The following PELP1 variants were observed in gnomAD, a reference collection of about 807,000 sequenced individuals.
PELP1 encodes the protein proline, glutamate and leucine rich protein 1, also known as proline-, glutamic acid- and leucine-rich protein 1.
Under a neutral mutation model 95.5 loss-of-function variants are expected in PELP1, and 32 were observed. That is an observed-to-expected ratio of 0.34 (90% CI 0.25 to 0.45). The LOEUF (loss-of-function observed/expected upper bound fraction) is 0.45, where lower values mean the gene tolerates loss of function less well. Ranked by LOEUF, PELP1 falls within the 20% of genes least tolerant of loss-of-function variation. The pLI is 1.00. For missense variants in PELP1, 1,358 were observed against 1,444.8 expected (o/e 0.94, Z 0.97); for synonymous variants, 668 against 600.1 (o/e 1.11, Z -1.65).
chr17:4,693,516 T>C (rs1913186688), intron 1 of PELP1, among the ~76,000 whole-genome samples: 1 of 152,186 alleles, frequency 6.6e-6, no homozygotes, highest in Non-Finnish European at 1.5e-5. Context: ...GCAACTATAA[T>C]AATATGCCAG....
rs376357271 is a variant in PELP1, at chr17:4,683,366, G to A, written c.421-414C>T. 4.6e-3 allele frequency among the ~76,000 whole-genome samples: 697 copies of A among 150,636 alleles called. 5 individuals carry two copies. Among genetic ancestry groups the A allele is most frequent in the Admixed American group, 9.2e-3 (139 of 15,058 alleles). On this transcript the variant is annotated intron_variant, in intron 3 of 16. Transcript: ENST00000572293. ...CTCCCGAGTAGCTGAGACTACAAGC[G>A]CCCGCCACCACGCCTGACTAATTTT...
intron 3 of PELP1, among the ~76,000 whole-genome samples, chr17:4,685,120 A>G (rs867397805): frequency 6.6e-6 from 1 of 151,982 alleles, no homozygotes; most frequent in Admixed American, 6.6e-5. Context: ...CCCTTCTCCC[A>G]TTCGCTTCTT....
chr17:4,678,548 G>GTGA (rs1290797901), intron 5 of PELP1, among the ~76,000 whole-genome samples: 14 of 152,218 alleles, frequency 9.2e-5, no homozygotes, highest in African/African-American at 2.9e-4. Context: ...GTACGGTGAA[G>GTGA]CGACACGGCT....
chr17:4,697,553 A>G (rs547759038), intron 1 of PELP1, among the ~76,000 whole-genome samples: 2 of 152,188 alleles, frequency 1.3e-5, no homozygotes, highest in Non-Finnish European at 2.9e-5. Flanking sequence ...CAGGGGAGAG[A>G]TATCCCAGAA....
rs1199646379 is a variant in PELP1, at chr17:4,676,120, G to A, written c.896C>T (p.Ser299Phe). The A allele has an allele frequency of 3.1e-6, 5 of 1,613,960 alleles. No individual in the cohort carries two copies. In the South Asian group the frequency reaches 4.4e-5, roughly 14 times the overall value. The change falls in exon 8 of 17, where the codon TCC (serine) becomes TTC (phenylalanine). Residue 299 changes from serine to phenylalanine, a missense_variant. Ser to Phe is a radical substitution (Grantham distance 155). Around this residue, in one of 7 missense-constraint regions of PELP1, gnomAD observed 538 missense variants for 628.1 expected, o/e 0.86. Coordinates refer to ENST00000572293, the MANE Select transcript of PELP1 (RefSeq NM_014389.3). ...GACATGGGCATCACCATCTTCTGAG[G>A]ACAGCAGCATCTCCACCCCAGGGCC... ...NEGPGVEMLL[S>F]SEDGDAHVLL...
intron 2 of PELP1, 184 bp downstream of exon 2, chr17:4,691,194 C>G: frequency 1.6e-6 from 1 of 641,920 alleles, no homozygotes; most frequent in Non-Finnish European, 2.8e-6. Flanking sequence ...AATAGGACAT[C>G]TGGGAGCTGG....
At chr17:4,699,146 G>A (rs749062808) in intron 1 of PELP1, among the ~76,000 whole-genome samples, 8 of 152,134 alleles carry the variant, frequency 5.3e-5, no homozygotes, top group African/African-American at 1.4e-4. Context: ...TTCGAGTGCC[G>A]AGGCGGGCGG....
At position 4,676,138 on chromosome 17, in the gene PELP1, C is replaced by G. The variant is rs765014669; in HGVS notation, c.878G>C (p.Gly293Ala). Residue 293 changes from glycine to alanine, a missense_variant, in exon 8 of 17, where the codon GGG becomes GCG. This residue lies in a region of PELP1 where 538 missense variants were observed against 628.1 expected (regional missense o/e 0.86). Coordinates refer to ENST00000572293, the MANE Select transcript of PELP1 (RefSeq NM_014389.3). Reference sequence around the variant, plus strand: ...TTCTGAGGACAGCAGCATCTCCACCCCAGGGCCTTCATTCTGCACAGGAGC... The same window carrying G: ...TTCTGAGGACAGCAGCATCTCCACCGCAGGGCCTTCATTCTGCACAGGAGC... ...ETAPVQNEGP[G>A]VEMLLSSEDG... is the part of the protein sequence containing the mutation. 6.2e-6 allele frequency: 10 copies of G among 1,613,944 alleles called. No individual in the cohort carries two copies. The highest frequency in any genetic ancestry group is 8.5e-6 in the Non-Finnish European group (10 of 1,179,866).
chr17:4,699,278 G>A (rs1446207552), intron 1 of PELP1, among the ~76,000 whole-genome samples: 1 of 152,038 alleles, frequency 6.6e-6, no homozygotes, highest in Non-Finnish European at 1.5e-5. Context: ...ACTTTGGGAG[G>A]CTGAGACAGG....
chr17:4,702,994 G>A (rs1208311345), intron 1 of PELP1, among the ~76,000 whole-genome samples: 2 of 152,192 alleles, frequency 1.3e-5, no homozygotes, highest in Non-Finnish European at 1.5e-5. Flanking sequence ...AAAATCAACA[G>A]GACTTGACAG....
At position 4,675,166 on chromosome 17, in the gene PELP1, A is replaced by T; in HGVS notation, c.1187T>A (p.Ile396Asn). Reference sequence around the variant, plus strand: ...CTGGGGAAGCAGGCGGCCGATCAGGATCCCAAAGCGCAAGAGCCGGCTTCC... The same window carrying T: ...CTGGGGAAGCAGGCGGCCGATCAGGTTCCCAAAGCGCAAGAGCCGGCTTCC... ...ACGSRLLRFG[I>N]LIGRLLPQVL... Residue 396 changes from isoleucine to asparagine, a missense_variant, in exon 11 of 17, where the codon ATC becomes AAC. By Grantham distance (149) the Ile-to-Asn change is moderately radical. Coordinates refer to ENST00000572293, the MANE Select transcript of PELP1 (RefSeq NM_014389.3). This position sits in a 1 kb window ranked among gnomAD's most constrained non-coding sequence, Gnocchi z 4.3. 9.9e-6 allele frequency: 16 copies of T among 1,613,840 alleles called. No homozygotes were observed. Among genetic ancestry groups the T allele is most frequent in the Non-Finnish European group, 1.3e-5 (15 of 1,179,846 alleles).
At chr17:4,687,995 T>C (rs887314485) in intron 3 of PELP1, among the ~76,000 whole-genome samples, 1 of 152,128 alleles carries the variant, frequency 6.6e-6, no homozygotes, top group Non-Finnish European at 1.5e-5. Flanking sequence ...CTATTCAACA[T>C]AGTACTGGAA....
In PELP1 at chr17:4,676,334, T is replaced by G. The variant is rs1912474720; in HGVS notation, c.853+23A>C. On this transcript the variant is annotated intron_variant, in intron 7 of 16. Transcript: ENST00000572293. The stretch of plus-strand genomic sequence containing the variant: ...CCACGCTTCCTCACTATTGTTCCAC[T>G]AACTAGCAGCCCTGGTCCCTACCAG... 2.5e-6 allele frequency: 4 copies of G among 1,609,472 alleles called. No individual in the cohort carries two copies. In the East Asian group the frequency reaches 8.9e-5, roughly 36 times the overall value.
At chr17:4,685,418 G>A (rs1421568518) in intron 3 of PELP1, among the ~76,000 whole-genome samples, 2 of 152,056 alleles carry the variant, frequency 1.3e-5, no homozygotes, top group Admixed American at 1.3e-4. Flanking sequence ...TTAAAATCCA[G>A]TCCGTAAAAG....
At chr17:4,683,498 T>C (rs7211134) in intron 3 of PELP1, among the ~76,000 whole-genome samples, 12,076 of 140,932 alleles carry the variant, frequency 0.086, 646 homozygotes, top group Non-Finnish European at 0.12. Context: ...GGATTACAGG[T>C]GTGAGCCATC....
chr17:4,680,001 A>C (rs1324785897), intron 5 of PELP1, among the ~76,000 whole-genome samples: 2 of 152,210 alleles, frequency 1.3e-5, no homozygotes, highest in Non-Finnish European at 2.9e-5. Context: ...CGAGCTACAC[A>C]GCCACTAACA....
rs1247020885 is a variant in PELP1 at position 4,672,506 on chromosome 17, G to C, written c.2485C>G (p.Pro829Ala). 9 of 1,572,912 alleles carry C rather than the reference G, an allele frequency of 5.7e-6. No homozygotes were observed. Among genetic ancestry groups the C allele is most frequent in the Non-Finnish European group, 6.9e-6 (8 of 1,162,650 alleles). The stretch of plus-strand genomic sequence containing the variant: ...CCTGGGGCTGCAGGAAGTTCTTCAG[G>C]CTCCTCCTTCGCTGGCACAGGAGGG... ...ASPPVPAKEE[P>A]EELPAAPGPL... The change falls in exon 16 of 17, where the codon CCT (proline) becomes GCT (alanine). Residue 829 changes from proline (P) to alanine (A), a missense_variant. Transcript: ENST00000572293.
In PELP1 at chr17:4,672,804, G is replaced by T. The variant is rs1422650955; in HGVS notation, c.2187C>A (p.Asn729Lys). 6.2e-7 allele frequency: 1 copy of T among 1,613,866 alleles called. No individual in the cohort carries two copies. Among genetic ancestry groups the T allele is most frequent in the East Asian group, 2.2e-5 (1 of 44,880 alleles). The part of the protein sequence containing the change: ...VPPRLLPGPE[N>K]HRAGSNEDPI... Reference sequence around the variant, plus strand: ...GGTCCTCATTTGAGCCTGCCCGGTGGTTCTCAGGGCCAGGAAGAAGCCGGG... The same window carrying T: ...GGTCCTCATTTGAGCCTGCCCGGTGTTTCTCAGGGCCAGGAAGAAGCCGGG... The change falls in exon 16 of 17, where the codon AAC (asparagine) becomes AAA (lysine). Residue 729 changes from asparagine to lysine, a missense_variant. Asn to Lys is a moderately conservative substitution (Grantham distance 94). Around this residue, in one of 7 missense-constraint regions of PELP1, gnomAD observed 340 missense variants for 322.9 expected, o/e 1.05. Coordinates refer to ENST00000572293, the MANE Select transcript of PELP1 (RefSeq NM_014389.3).
chr17:4,699,897 ATTTTTTTTTT>A (rs34806511), intron 1 of PELP1, among the ~76,000 whole-genome samples: 1 of 86,740 alleles, frequency 1.2e-5, no homozygotes, highest in Non-Finnish European at 2.0e-5. Flanking sequence ...CTAGAGGGTG[ATTTTTTTTTT>A]TTTTTTTTTT....
Sources: allele counts gnomAD v4.1 joint callset (sites outside exome capture counted in the v4.1 genomes callset), GRCh38; gene constraint gnomAD v4.1.1; regional missense constraint gnomAD v4.1.1; non-coding constraint Gnocchi (gnomAD v3.1); transcripts MANE v1.5; gene names NCBI Gene and HGNC (gene_info 2026-07-23, HGNC 2026-07-21).